CTIF: variants seen among roughly 807,000 people sequenced by gnomAD.
CTIF encodes cap binding complex dependent translation initiation factor.
A neutral mutation model predicts 66.0 loss-of-function variants in CTIF; 21 were observed. The ratio of observed to expected loss-of-function variants is 0.32; its 90% CI spans 0.23 to 0.46. CTIF has a LOEUF of 0.46. CTIF is among the 20% of genes least tolerant of loss of function. The pLI is 1.00. For synonymous variants in CTIF, 345 were observed against 326.4 expected (o/e 1.06, Z -0.62); for missense variants, 739 against 812.7 (o/e 0.91, Z 1.10).
chr18:48,695,709 A>T (rs562580306), intron 6 of CTIF, among the ~76,000 whole-genome samples: 2 of 152,348 alleles, frequency 1.3e-5, no homozygotes, highest in Non-Finnish European at 1.5e-5. Context: ...GCCTCCATAC[A>T]TTACAGCCCG....
chr18:48,806,909 C>G (rs545844185), intron 9 of CTIF, among the ~76,000 whole-genome samples: 4 of 152,096 alleles, frequency 2.6e-5, no homozygotes, highest in South Asian at 4.1e-4. Context: ...TAAATGGTAG[C>G]CTTAAAGTTT....
intron 10 of CTIF, among the ~76,000 whole-genome samples, chr18:48,842,487 C>T (rs1347718147): frequency 6.6e-6 from 1 of 152,164 alleles, no homozygotes; most frequent in East Asian, 1.9e-4. Context: ...TTCCTGTTAG[C>T]GCGGAAGGGA....
chr18:48,557,635 T>G (rs2089053433), intron 1 of CTIF, among the ~76,000 whole-genome samples: 1 of 152,256 alleles, frequency 6.6e-6, no homozygotes, highest in South Asian at 2.1e-4. Flanking sequence ...TCTGTATTAG[T>G]CCGTACAGGC....
At chr18:48,832,245 C>T (rs2068708850) in intron 10 of CTIF, among the ~76,000 whole-genome samples, 1 of 148,638 alleles carries the variant, frequency 6.7e-6, no homozygotes, top group Non-Finnish European at 1.5e-5. Context: ...AATCAGGACT[C>T]ACTGCAGCCT....
At chr18:48,721,592 G>C (rs2092336425) in intron 7 of CTIF, among the ~76,000 whole-genome samples, 1 of 152,206 alleles carries the variant, frequency 6.6e-6, no homozygotes, top group South Asian at 2.1e-4. Flanking sequence ...TCTCTCACCA[G>C]CCAGGGGATC....
At chr18:48,655,725 T>C (rs62102957) in intron 3 of CTIF, among the ~76,000 whole-genome samples, 1 of 152,072 alleles carries the variant, frequency 6.6e-6, no homozygotes, top group African/African-American at 2.4e-5. Context: ...TGTCACCTGA[T>C]GTAGCAGGCC....
intron 6 of CTIF, among the ~76,000 whole-genome samples, chr18:48,703,498 G>C (rs931092140): frequency 1.3e-5 from 2 of 152,224 alleles, no homozygotes; most frequent in Non-Finnish European, 2.9e-5. Context: ...TCTTGTGTCT[G>C]TATAATGCTT....
At chr18:48,613,817 GC>G (rs1005725645) in intron 1 of CTIF, among the ~76,000 whole-genome samples, 1 of 152,196 alleles carries the variant, frequency 6.6e-6, no homozygotes, top group Non-Finnish European at 1.5e-5. Flanking sequence ...TCCTGCTGCA[GC>G]CCGGGCCCTC....
At chr18:48,744,915 C>T (rs921963893) in intron 7 of CTIF, among the ~76,000 whole-genome samples, 5 of 151,880 alleles carry the variant, frequency 3.3e-5, no homozygotes, top group Admixed American at 6.6e-5. Flanking sequence ...CTCCGCCTCC[C>T]GGATTCATGC....
At chr18:48,799,473 CCTTT>C (rs148012200) in intron 9 of CTIF, among the ~76,000 whole-genome samples, 8,529 of 152,076 alleles carry the variant, frequency 0.056, 320 homozygotes, top group Non-Finnish European at 0.08. Context: ...AGGAATCAGT[CCTTT>C]CTTGTATTTT....
chr18:48,660,110 T>C (rs1250098268), intron 3 of CTIF, among the ~76,000 whole-genome samples: 1 of 131,300 alleles, frequency 7.6e-6, no homozygotes, highest in African/African-American at 3.0e-5. Context: ...CCCAGGCTCC[T>C]CTGGGAATGG....
At chr18:48,734,392 C>T (rs2092481612) in intron 7 of CTIF, among the ~76,000 whole-genome samples, 11 of 152,016 alleles carry the variant, frequency 7.2e-5, no homozygotes, top group Admixed American at 7.2e-4. Flanking sequence ...ATGGTGAAAC[C>T]CCGTCTCTAC....
chr18:48,700,496 G>A lies in CTIF; in HGVS notation c.508-11123G>A, dbSNP rs541691179. Among the ~76,000 whole-genome samples, 13 of 152,358 alleles carry A rather than the reference G, an allele frequency of 8.5e-5. No homozygotes were observed. In the East Asian group the frequency reaches 1.7e-3, roughly 20 times the overall value. ...GGAGGCTTCCCCCCGGCACAGCGGG[G>A]TACACCTCAGAATCTTAGCATGGCT... On this transcript the variant is annotated intron_variant, in intron 6 of 11. Coordinates refer to ENST00000256413, the MANE Select transcript of CTIF (RefSeq NM_014772.3).
intron 1 of CTIF, among the ~76,000 whole-genome samples, chr18:48,560,069 T>G (rs2089118213): frequency 1.3e-5 from 2 of 151,960 alleles, no homozygotes; most frequent in African/African-American, 4.8e-5. Flanking sequence ...AGACGGCTAA[T>G]TTCTTAAGGG....
intron 9 of CTIF, among the ~76,000 whole-genome samples, chr18:48,810,327 T>C (rs1366730821): frequency 2.0e-5 from 3 of 152,122 alleles, no homozygotes; most frequent in African/African-American, 7.2e-5. Context: ...CCAAAATAGT[T>C]AAGACTATAA....
intron 5 of CTIF, among the ~76,000 whole-genome samples, chr18:48,669,793 TTATATA>T (rs57715945): frequency 0.017 from 811 of 47,134 alleles, 24 homozygotes; most frequent in South Asian, 0.033. Flanking sequence ...AGCTAAACAT[TTATATA>T]TATATATATA....
At chr18:48,848,188 G>A (rs886155349) in intron 10 of CTIF, among the ~76,000 whole-genome samples, 6 of 152,090 alleles carry the variant, frequency 3.9e-5, no homozygotes, top group South Asian at 2.1e-4. Context: ...GCCTTTACCC[G>A]TCACTATCTT....
intron 2 of CTIF, among the ~76,000 whole-genome samples, chr18:48,621,071 A>G (rs901045793): frequency 6.6e-6 from 1 of 152,220 alleles, no homozygotes; most frequent in South Asian, 2.1e-4. Context: ...TATTCAATCC[A>G]TGAGTGTTTA....
intron 2 of CTIF, among the ~76,000 whole-genome samples, chr18:48,626,537 C>T (rs774729160): frequency 6.7e-6 from 1 of 150,074 alleles, no homozygotes; most frequent in East Asian, 2.0e-4. Flanking sequence ...TTAGTAGAGA[C>T]GGAGTTTCAC....
Sources: gnomAD v4.1 joint callset for allele counts (sites outside exome capture counted in the v4.1 genomes callset) on GRCh38, gnomAD v4.1.1 for gene constraint, MANE v1.5 for transcripts, NCBI Gene and HGNC (gene_info 2026-07-23, HGNC 2026-07-21) for gene names.